GOLGA1: variants seen among roughly 807,000 people sequenced by gnomAD.
The protein encoded by GOLGA1 is golgin A1, also known as golgin subfamily A member 1.
Under a neutral mutation model 119.7 loss-of-function variants are expected in GOLGA1, and 63 were observed. The ratio of observed to expected loss-of-function variants is 0.53; its 90% CI spans 0.43 to 0.65. The LOEUF is 0.65. GOLGA1 is among the 30% of genes least tolerant of loss of function. GOLGA1 has a pLI of 0.00. For missense variants in GOLGA1, 798 were observed against 912.8 expected, an observed-to-expected ratio of 0.87 and a Z score of 1.62; for synonymous variants, 318 against 333.4, an observed-to-expected ratio of 0.95 and a Z score of 0.50.
chr9:124,893,306 G>T (rs747490012), intron 15 of GOLGA1, among the ~76,000 whole-genome samples: 6 of 152,078 alleles, frequency 3.9e-5, no homozygotes, highest in Non-Finnish European at 7.4e-5. Context: ...TTTTAAAACT[G>T]CTGTCTTTTA....
At chr9:124,910,319 C>A (rs10124696) in intron 11 of GOLGA1, among the ~76,000 whole-genome samples, 53,254 of 151,930 alleles carry the variant, frequency 0.35, 9,534 homozygotes, top group Admixed American at 0.39. Flanking sequence ...CCCGCCTCGG[C>A]TACCCAAAGT....
At chr9:124,941,957 A>G (rs1018908227), upstream of GOLGA1, among the ~76,000 whole-genome samples, 1 of 152,014 alleles carries the variant, frequency 6.6e-6, no homozygotes, top group African/African-American at 2.4e-5. Flanking sequence ...AAAATAAACA[A>G]AAGAGGAAAA....
intron 7 of GOLGA1, among the ~76,000 whole-genome samples, chr9:124,924,221 T>C (rs946110407): frequency 1.3e-5 from 2 of 152,062 alleles, no homozygotes; most frequent in South Asian, 2.1e-4. Context: ...ACCAGTAAGA[T>C]TGAATGCCTG....
chr9:124,926,402 G>A (rs2131506986), intron 7 of GOLGA1, among the ~76,000 whole-genome samples: 1 of 152,288 alleles, frequency 6.6e-6, no homozygotes, highest in Non-Finnish European at 1.5e-5. Context: ...TTCCCCACTG[G>A]CTGAACCCAA....
At chr9:124,939,652 T>A (rs1830960593) in intron 2 of GOLGA1, among the ~76,000 whole-genome samples, 1 of 138,690 alleles carries the variant, frequency 7.2e-6, no homozygotes, top group African/African-American at 2.7e-5. Context: ...AACCTCCACC[T>A]CCTGGGTTCA....
intron 20 of GOLGA1, 39 bp downstream of exon 20, chr9:124,882,471 G>A: frequency 1.3e-6 from 2 of 1,494,670 alleles, no homozygotes; most frequent in Non-Finnish European, 1.9e-6. Flanking sequence ...AGCAGGGGGA[G>A]TGCTGGGAAG....
Position 124,939,561 on chromosome 9 carries a change from T to C in GOLGA1, c.-156+545A>G, listed in dbSNP as rs1397473234. Among the ~76,000 whole-genome samples the C allele has an allele frequency of 9.7e-3, 1,231 of 127,306 alleles. 65 individuals carry two copies. Among genetic ancestry groups the C allele is most frequent in the Admixed American group, 0.069 (869 of 12,546 alleles). The allele number at this position is 127,306 out of a possible 152,430, so 83.5% of individuals were successfully genotyped here. A position where few individuals can be genotyped will look rare whatever the true frequency, so the allele number is the denominator to read the frequency against. ...TATTTTCTTTCTTTCTTTTTTTTTT[T>C]TTTTTTTTTTTTTTTTTTGAGATGG... On this transcript the variant is annotated intron_variant, in intron 2 of 22. Transcript: ENST00000373555.
intron 10 of GOLGA1, among the ~76,000 whole-genome samples, chr9:124,913,751 C>T (rs1830383853): frequency 1.3e-5 from 2 of 152,154 alleles, no homozygotes; most frequent in South Asian, 4.1e-4. Flanking sequence ...AGACACACAC[C>T]TAATTACAAA....
At chr9:124,899,566 T>G in intron 13 of GOLGA1, 88 bp from the exon 14 acceptor site, 2 of 1,283,052 alleles carry the variant, frequency 1.6e-6, no homozygotes, top group Non-Finnish European at 2.2e-6. Flanking sequence ...AAGATGAGTA[T>G]CCAACAGAAA....
At position 124,946,485 on chromosome 9, in the gene GOLGA1, G is replaced by A. The variant is rs1831146606; in HGVS notation, c.-156+1433C>T. ...TCCAAAGAATACGGTGTAAAAAGTT[G>A]CTTTGCAGTTATATTTTATCATGCA... On this transcript the variant is annotated intron_variant, in intron 1 of 4. Coordinates refer to the GOLGA1 transcript ENST00000421514. This position sits in a 1 kb window ranked among gnomAD's most constrained non-coding sequence, Gnocchi z 4.0. 1 of 152,114 alleles carries A rather than the reference G, an allele frequency of 6.6e-6. No homozygotes were observed. Among genetic ancestry groups the A allele is most frequent in the Non-Finnish European group, 1.5e-5 (1 of 68,028 alleles). The allele number at this position is 152,114 out of a possible 1,614,324, so 9.4% of individuals were successfully genotyped here.
At chr9:124,909,467 A>G (rs1830297007) in intron 11 of GOLGA1, among the ~76,000 whole-genome samples, 1 of 151,696 alleles carries the variant, frequency 6.6e-6, no homozygotes, top group African/African-American at 2.4e-5. Flanking sequence ...AATTAGCTGG[A>G]TGTGGTGGTG....
chr9:124,904,928 A>G (rs1200916758), intron 12 of GOLGA1, among the ~76,000 whole-genome samples: 2 of 145,300 alleles, frequency 1.4e-5, no homozygotes, highest in Non-Finnish European at 3.0e-5. Flanking sequence ...CAGGCTACAG[A>G]GCCAGACTCT....
At chr9:124,919,175 T>G (rs549308296) in intron 10 of GOLGA1, among the ~76,000 whole-genome samples, 1 of 152,040 alleles carries the variant, frequency 6.6e-6, no homozygotes, top group Admixed American at 6.6e-5. Flanking sequence ...AAGGATCACT[T>G]CAGCCTGGGA....
At chr9:124,903,258 C>T (rs1363937215) in intron 12 of GOLGA1, among the ~76,000 whole-genome samples, 4 of 152,104 alleles carry the variant, frequency 2.6e-5, no homozygotes, top group Non-Finnish European at 4.4e-5. Flanking sequence ...AAGGCCAAGA[C>T]GGGTGGATCA....
chr9:124,893,621 T>G (rs928748622), intron 15 of GOLGA1, among the ~76,000 whole-genome samples: 6 of 152,296 alleles, frequency 3.9e-5, no homozygotes, highest in African/African-American at 1.4e-4. Context: ...TACTTCCCGT[T>G]CAAGCTTACT....
chr9:124,915,264 T>C (rs962622899), intron 10 of GOLGA1, among the ~76,000 whole-genome samples: 1 of 152,196 alleles, frequency 6.6e-6, no homozygotes, highest in African/African-American at 2.4e-5. Flanking sequence ...TGCCCATTAC[T>C]ATCACCTGTA....
At chr9:124,947,346 T>G (rs1274201542) in intron 1 of GOLGA1, 2 of 152,314 alleles carry the variant, frequency 1.3e-5, no homozygotes, top group South Asian at 2.1e-4. Context: ...TATCACTAAT[T>G]TATCATCAGT....
At chr9:124,895,954 G>A (rs1016012660) in intron 15 of GOLGA1, among the ~76,000 whole-genome samples, 1 of 151,550 alleles carries the variant, frequency 6.6e-6, no homozygotes, top group African/African-American at 2.4e-5. Context: ...CTCTATAACA[G>A]AGAACCATCC....
chr9:124,904,677 C>T lies in GOLGA1; in HGVS notation c.1065+3700G>A, dbSNP rs1410589347. 2.6e-5 allele frequency among the ~76,000 whole-genome samples: 4 copies of T among 152,228 alleles called. No homozygotes were observed. The East Asian group carries it at 7.7e-4, about 29-fold the overall frequency. ...TACAAAAAGGCTGGGCGCAGTGGCT[C>T]ACGCCTGTAATCCTACCACTTTGGG... On this transcript the variant is annotated intron_variant, in intron 12 of 22. Coordinates refer to ENST00000373555, the MANE Select transcript of GOLGA1 (RefSeq NM_002077.4).
Sources: gnomAD v4.1 joint callset for allele counts (sites outside exome capture counted in the v4.1 genomes callset) on GRCh38, gnomAD v4.1.1 for gene constraint, Gnocchi (gnomAD v3.1) non-coding constraint, MANE v1.5 for transcripts, NCBI Gene and HGNC (gene_info 2026-07-23, HGNC 2026-07-21) for gene names.